Variants in PRUNE2 observed in about 807,000 individuals in gnomAD.
PRUNE2 encodes the protein protein prune homolog 2.
In PRUNE2, 164 loss-of-function variants were observed where a neutral mutation model predicts 252.0. That is an observed-to-expected ratio of 0.65 (90% CI 0.57 to 0.74). The LOEUF is 0.74. Among genes scored for constraint, PRUNE2 ranks in the 30% least tolerant of loss-of-function variants. The pLI is 0.00. For synonymous variants in PRUNE2, 1,292 were observed against 1,350.2 expected (o/e 0.96, Z 0.94); for missense variants, 3,495 against 3,711.0 (o/e 0.94, Z 1.51).
chr9:76,840,559 A>T (rs1589516077), intron 4 of PRUNE2, among the ~76,000 whole-genome samples: 1 of 152,118 alleles, frequency 6.6e-6, no homozygotes, highest in African/African-American at 2.4e-5. Flanking sequence ...GCTTTTAAAG[A>T]CTCTTTCAAG....
chr9:76,904,255 A>G (rs1388115254), intron 1 of PRUNE2, among the ~76,000 whole-genome samples: 1 of 152,022 alleles, frequency 6.6e-6, no homozygotes, highest in Non-Finnish European at 1.5e-5. Flanking sequence ...AATGATGTAG[A>G]GCAATTGCTC....
At chr9:76,653,848 C>A (rs1379102534) in intron 10 of PRUNE2, among the ~76,000 whole-genome samples, 3 of 152,094 alleles carry the variant, frequency 2.0e-5, no homozygotes, top group Non-Finnish European at 4.4e-5. Context: ...TAGGCTCCCT[C>A]CTCTCATTGT....
intron 6 of PRUNE2, among the ~76,000 whole-genome samples, chr9:76,790,522 G>A (rs990421936): frequency 2.0e-5 from 3 of 152,122 alleles, no homozygotes; most frequent in African/African-American, 7.2e-5. Flanking sequence ...TGATGTAGTT[G>A]CCATTTGTTT....
At chr9:76,724,998 AAAT>A (rs945382353) in intron 6 of PRUNE2, among the ~76,000 whole-genome samples, 10 of 152,312 alleles carry the variant, frequency 6.6e-5, no homozygotes, top group African/African-American at 2.4e-4. Flanking sequence ...TCCCAGATAA[AAAT>A]AATAATAATG....
At chr9:76,616,397 C>T (rs1175972207) in intron 18 of PRUNE2, among the ~76,000 whole-genome samples, 2 of 152,156 alleles carry the variant, frequency 1.3e-5, no homozygotes, top group Non-Finnish European at 2.9e-5. Flanking sequence ...TGTTGGTTGA[C>T]TTTTTCCCAT....
At chr9:76,763,056 C>T (rs1280370101) in intron 6 of PRUNE2, among the ~76,000 whole-genome samples, 2 of 152,194 alleles carry the variant, frequency 1.3e-5, no homozygotes, top group African/African-American at 4.8e-5. Context: ...GCACCATCTC[C>T]CCTTCTAGCT....
chr9:76,873,305 GTA>G (rs2061320625), intron 1 of PRUNE2, among the ~76,000 whole-genome samples: 1 of 152,048 alleles, frequency 6.6e-6, no homozygotes, highest in African/African-American at 2.4e-5. Flanking sequence ...TTCCACTTTT[GTA>G]TATGTTTTAG....
intron 1 of PRUNE2, among the ~76,000 whole-genome samples, chr9:76,897,398 T>A (rs1193707215): frequency 5.3e-5 from 4 of 74,936 alleles, no homozygotes; most frequent in South Asian, 6.2e-4. Context: ...CTCTTTTTTT[T>A]TTTTTTTTTT....
chr9:76,892,345 GA>G (rs1251360225), intron 1 of PRUNE2, among the ~76,000 whole-genome samples: 1 of 152,192 alleles, frequency 6.6e-6, no homozygotes, highest in Admixed American at 6.5e-5. Context: ...AATTTGGGAA[GA>G]GTTCACCCAG....
intron 6 of PRUNE2, among the ~76,000 whole-genome samples, chr9:76,775,672 A>T (rs2053657261): frequency 6.6e-6 from 1 of 152,180 alleles, no homozygotes; most frequent in Non-Finnish European, 1.5e-5. Context: ...AAGGAATGTT[A>T]TCTCTTTACA....
intron 6 of PRUNE2, among the ~76,000 whole-genome samples, chr9:76,735,324 C>T (rs546038051): frequency 6.6e-6 from 1 of 152,002 alleles, no homozygotes; most frequent in Admixed American, 6.5e-5. Flanking sequence ...GCAGAGGCCA[C>T]ACAAAGAGAA....
intron 1 of PRUNE2, among the ~76,000 whole-genome samples, chr9:76,873,383 A>G (rs1029185035): frequency 1.1e-4 from 17 of 152,340 alleles, no homozygotes; most frequent in Non-Finnish European, 2.2e-4. Flanking sequence ...TTAATAATTC[A>G]GCTACACTCT....
At chr9:76,848,985 T>C (rs1301161798) in intron 3 of PRUNE2, among the ~76,000 whole-genome samples, 3 of 152,168 alleles carry the variant, frequency 2.0e-5, no homozygotes, top group Admixed American at 6.5e-5. Context: ...GAGATGACAT[T>C]GCAGCCTCAA....
intron 6 of PRUNE2, among the ~76,000 whole-genome samples, chr9:76,728,989 A>T (rs1431580380): frequency 6.6e-6 from 1 of 152,232 alleles, no homozygotes; most frequent in Non-Finnish European, 1.5e-5. Context: ...AGGGCATTAG[A>T]ATAATCCATT....
At chr9:76,825,174 TG>T (rs767536596) in intron 5 of PRUNE2, among the ~76,000 whole-genome samples, 1 of 152,200 alleles carries the variant, frequency 6.6e-6, no homozygotes, top group Non-Finnish European at 1.5e-5. Context: ...ACTCTTCCAG[TG>T]GTCTGCTGGT....
At position 76,613,251 on chromosome 9, in the gene PRUNE2, A is replaced by C. The variant is rs1278155334; in HGVS notation, c.*1319T>G. 6.6e-6 allele frequency: 1 copy of C among 152,226 alleles called. No individual in the cohort carries two copies. Among genetic ancestry groups the C allele is most frequent in the Non-Finnish European group, 1.5e-5 (1 of 68,040 alleles). The allele number at this position is 152,226 out of a possible 1,614,324, so 9.4% of individuals were successfully genotyped here. A position where few individuals can be genotyped will look rare whatever the true frequency, so the allele number is the denominator to read the frequency against. On this transcript the variant is annotated 3_prime_UTR_variant, in exon 19 of 19. Transcript: ENST00000376718. ...ATCTAAATACAAATTGGGGTGGAGT[A>C]GGAAAGGATGCGTTTGCTAGAGCAG...
chr9:76,826,645 A>C lies in PRUNE2; in HGVS notation c.596T>G (p.Phe199Cys). 1 of 1,613,020 alleles carries C rather than the reference A, an allele frequency of 6.2e-7. No individual in the cohort carries two copies. Among genetic ancestry groups the C allele is most frequent in the East Asian group, 2.2e-5 (1 of 44,824 alleles). The change falls in exon 5 of 19, where the codon TTT (phenylalanine) becomes TGT (cysteine). Residue 199 changes from phenylalanine (F) to cysteine (C), a missense_variant. Transcript: ENST00000376718. ...EEILSILEEKFPNLPPREDII... is the reference protein window; with the variant it reads ...EEILSILEEKCPNLPPREDII... Reference sequence around the variant, plus strand: ...GTCCTCTCTTGGAGGCAAGTTAGGAAATTTTTCTTCCAGGATAGAAAGAAT... The same window carrying C: ...GTCCTCTCTTGGAGGCAAGTTAGGACATTTTTCTTCCAGGATAGAAAGAAT...
chr9:76,709,237 G>GTTGCAGTGACTA lies in PRUNE2; in HGVS notation c.3036_3037insTAGTCACTGCAA (p.Pro1012_Gln1013insTer), dbSNP rs1554716095. 3.1e-6 allele frequency: 5 copies of GTTGCAGTGACTA among 1,613,894 alleles called. No individual in the cohort carries two copies. The highest frequency in any genetic ancestry group is 4.2e-6 in the Non-Finnish European group (5 of 1,179,820). On this transcript the variant is annotated stop_gained and inframe_insertion, in exon 8 of 19. Coordinates refer to ENST00000376718, the MANE Select transcript of PRUNE2 (RefSeq NM_015225.3). LOFTEE classifies it high-confidence loss of function. ...TTTCGAGATGACTGTTGCAGTGACT[G>GTTGCAGTGACTA]AGGAGGAATGTCAGTCTCCTCTGCC...
intron 1 of PRUNE2, chr9:76,862,712 C>G (rs1240862706): frequency 1.3e-5 from 2 of 151,796 alleles, no homozygotes; most frequent in East Asian, 3.9e-4. Flanking sequence ...TGTAGAAACT[C>G]ACAAAAAAAA....
Sources: gnomAD v4.1 joint callset for allele counts (sites outside exome capture counted in the v4.1 genomes callset) on GRCh38, gnomAD v4.1.1 for gene constraint, MANE v1.5 for transcripts, NCBI Gene and HGNC (gene_info 2026-07-23, HGNC 2026-07-21) for gene names.